The following ADGRL3 variants were observed in gnomAD, a reference collection of about 807,000 sequenced individuals.
The protein encoded by ADGRL3 is adhesion G protein-coupled receptor L3.
In ADGRL3, 62 loss-of-function variants were observed where a neutral mutation model predicts 153.5. The observed-to-expected ratio is 0.40, with a 90% CI of 0.33 to 0.50. The LOEUF (loss-of-function observed/expected upper bound fraction) is 0.50. ADGRL3 is among the 20% of genes least tolerant of loss of function. The pLI is 0.47. For missense variants in ADGRL3, 1,641 were observed against 1,859.4 expected, an observed-to-expected ratio of 0.88 and a Z score of 2.16; for synonymous variants, 710 against 672.5, an observed-to-expected ratio of 1.06 and a Z score of -0.86.
chr4:61,966,532 C>T (rs942061235), intron 17 of ADGRL3, among the ~76,000 whole-genome samples: 7 of 151,970 alleles, frequency 4.6e-5, no homozygotes, highest in Admixed American at 4.6e-4. Flanking sequence ...TTCTACCCTA[C>T]TCCACATCAC....
intron 19 of ADGRL3, among the ~76,000 whole-genome samples, chr4:61,986,193 A>G (rs921381821): frequency 5.9e-5 from 9 of 152,138 alleles, no homozygotes; most frequent in African/African-American, 1.7e-4. Flanking sequence ...ATTTTTCTCA[A>G]TGCATTTTCT....
At chr4:61,261,028 C>G (rs10011943) in intron 1 of ADGRL3, among the ~76,000 whole-genome samples, 3,168 of 152,090 alleles carry the variant, frequency 0.021, 97 homozygotes, top group African/African-American at 0.069. Flanking sequence ...ACTCGCCATT[C>G]TCATTTGTTA....
intron 3 of ADGRL3, among the ~76,000 whole-genome samples, chr4:61,511,825 A>T (rs2098464933): frequency 6.6e-6 from 1 of 152,144 alleles, no homozygotes; most frequent in Admixed American, 6.5e-5. Context: ...CTGTGTTAGG[A>T]CTTTCATGCT....
chr4:61,392,026 ATT>A (rs373905840), intron 2 of ADGRL3, among the ~76,000 whole-genome samples: 296 of 135,644 alleles, frequency 2.2e-3, no homozygotes, highest in Non-Finnish European at 2.7e-3. Context: ...CGACCGGCTA[ATT>A]TTTTTTTTTT....
chr4:61,988,317 T>G (rs2099092864), intron 19 of ADGRL3, among the ~76,000 whole-genome samples: 1 of 152,154 alleles, frequency 6.6e-6, no homozygotes, highest in Non-Finnish European at 1.5e-5. Flanking sequence ...AAAATCCATT[T>G]TAAAAAACAA....
chr4:61,675,852 G>A (rs1026476672), intron 5 of ADGRL3, among the ~76,000 whole-genome samples: 8 of 151,562 alleles, frequency 5.3e-5, no homozygotes, highest in African/African-American at 1.9e-4. Context: ...ATTAAATTAC[G>A]TTTGACTGTA....
intron 17 of ADGRL3, among the ~76,000 whole-genome samples, chr4:61,957,958 G>A (rs539102129): frequency 1.1e-3 from 170 of 152,184 alleles, no homozygotes; most frequent in African/African-American, 4.0e-3. Flanking sequence ...TTTCACAAAT[G>A]TTACTAATTT....
chr4:61,900,738 G>T lies in ADGRL3; in HGVS notation c.1887+4904G>T, dbSNP rs540244722. 1.6e-4 allele frequency among the ~76,000 whole-genome samples: 25 copies of T among 151,908 alleles called. 1 individual carries two copies. In the South Asian group the frequency reaches 4.6e-3, roughly 28 times the overall value. On this transcript the variant is annotated intron_variant, in intron 11 of 26. Transcript: ENST00000683033. ...GAATGGATGGAAAAATAGGGAGAAG[G>T]ATAAATGAACAGATAGATACATAAA...
At chr4:61,611,072 G>A (rs900863454) in intron 5 of ADGRL3, among the ~76,000 whole-genome samples, 4 of 151,932 alleles carry the variant, frequency 2.6e-5, no homozygotes, top group African/African-American at 9.7e-5. Flanking sequence ...CTAAAATTTC[G>A]GTTGCTTAAC....
chr4:61,532,495 A>T (rs548931871), intron 4 of ADGRL3, among the ~76,000 whole-genome samples: 1 of 150,986 alleles, frequency 6.6e-6, no homozygotes, highest in South Asian at 2.1e-4. Context: ...GTCTTCAAGT[A>T]CTCATTTGTA....
chr4:61,359,942 T>G (rs915663785), intron 1 of ADGRL3, among the ~76,000 whole-genome samples: 1 of 151,284 alleles, frequency 6.6e-6, no homozygotes. Flanking sequence ...GATTTTATTA[T>G]TATATATAGT....
intron 24 of ADGRL3, among the ~76,000 whole-genome samples, chr4:62,043,378 G>A (rs1201108931): frequency 1.3e-5 from 2 of 151,886 alleles, no homozygotes; most frequent in African/African-American, 4.8e-5. Context: ...TCCCAACATT[G>A]TCCTTTCGTT....
chr4:61,775,706 G>C, intron 8 of ADGRL3: 1 of 1,290,772 alleles, frequency 7.7e-7, no homozygotes, highest in African/African-American at 1.5e-5. Flanking sequence ...AGCACACAAA[G>C]GTGGGCTTGG....
chr4:61,723,109 A>C (rs985761238), intron 6 of ADGRL3, among the ~76,000 whole-genome samples: 10 of 152,180 alleles, frequency 6.6e-5, no homozygotes, highest in Admixed American at 1.3e-4. Context: ...TTCTCTTGAC[A>C]ATTCCCCCTT....
chr4:62,006,013 TATATATATATATATATA>T (rs2099157155), intron 21 of ADGRL3, among the ~76,000 whole-genome samples: 1 of 91,940 alleles, frequency 1.1e-5, no homozygotes, highest in Non-Finnish European at 2.3e-5. Flanking sequence ...CATATATATA[TATATATATATATATATA>T]TATTTTTTTT....
intron 1 of ADGRL3, among the ~76,000 whole-genome samples, chr4:61,334,032 T>C (rs1307489349): frequency 6.6e-6 from 1 of 151,890 alleles, no homozygotes; most frequent in Non-Finnish European, 1.5e-5. Context: ...TCTCATGCCT[T>C]AGCCCCTCCA....
intron 8 of ADGRL3, among the ~76,000 whole-genome samples, chr4:61,776,249 G>T (rs762492185): frequency 5.9e-5 from 9 of 152,148 alleles, no homozygotes; most frequent in Non-Finnish European, 1.2e-4. Context: ...GCACGACTCG[G>T]CGGCAGCAGG....
chr4:61,994,908 T>G (rs543782756), intron 19 of ADGRL3, among the ~76,000 whole-genome samples: 2 of 151,796 alleles, frequency 1.3e-5, no homozygotes, highest in South Asian at 2.1e-4. Flanking sequence ...TTACTCAACT[T>G]TGGTTTTCTT....
intron 25 of ADGRL3, among the ~76,000 whole-genome samples, chr4:62,065,828 A>C (rs932146785): frequency 6.6e-6 from 1 of 151,970 alleles, no homozygotes; most frequent in Non-Finnish European, 1.5e-5. Flanking sequence ...TACTTCTATA[A>C]AAACTATCAA....
Sources: allele counts gnomAD v4.1 joint callset (sites outside exome capture counted in the v4.1 genomes callset), GRCh38; gene constraint gnomAD v4.1.1; transcripts MANE v1.5; gene names NCBI Gene and HGNC (gene_info 2026-07-23, HGNC 2026-07-21).